MAGT1: variants seen among roughly 807,000 people sequenced by gnomAD.
MAGT1 encodes the protein magnesium transporter 1, also known as dolichyl-diphosphooligosaccharide--protein glycosyltransferase subunit MAGT1.
A neutral mutation model predicts 28.4 loss-of-function variants in MAGT1; 4 were observed. That is an observed-to-expected ratio of 0.14 (90% confidence interval 0.07 to 0.32). The LOEUF (loss-of-function observed/expected upper bound fraction) is 0.32, where lower values mean the gene tolerates loss of function less well. Among genes scored for constraint, MAGT1 ranks in the 10% least tolerant of loss-of-function variants. The pLI is 1.00. For missense variants in MAGT1, 193 were observed against 264.5 expected (o/e 0.73, Z 1.88); for synonymous variants, 89 against 89.7 (o/e 0.99, Z 0.04).
In MAGT1 at chrX:77,893,821, A is replaced by G. The variant is rs782144935; in HGVS notation, c.102+1488T>C. ...TGGAGGTGGAGGTGAGAGGATCACT[A>G]GAGCCCAGGAAGTCGAGGCTGCAGT... On this transcript the variant is annotated intron_variant, in intron 1 of 9. Coordinates refer to ENST00000618282, the MANE Select transcript of MAGT1 (RefSeq NM_001367916.1). 7.3e-5 allele frequency among the ~76,000 whole-genome samples: 8 copies of G among 110,202 alleles called. No individual in the cohort carries two copies. In the East Asian group the frequency reaches 1.7e-3, roughly 24 times the overall value.
chrX:77,875,013 C>T (rs782471627), intron 2 of MAGT1, among the ~76,000 whole-genome samples: 68 of 109,366 alleles, frequency 6.2e-4, no homozygotes, highest in Non-Finnish European at 1.2e-3. Flanking sequence ...CACCACAATG[C>T]CTAGCTAATT....
chrX:77,841,393 A>C, intron 7 of MAGT1, 73 bp from the exon 8 acceptor site: 1 of 741,616 alleles, frequency 1.3e-6, no homozygotes. Flanking sequence ...CCAGTTTCTC[A>C]TGAAGAAAAT....
At chrX:77,832,344 GGAA>G (rs782011895) in intron 8 of MAGT1, among the ~76,000 whole-genome samples, 1 of 110,428 alleles carries the variant, frequency 9.1e-6, no homozygotes, top group Non-Finnish European at 1.9e-5. Context: ...GGGCCGTACT[GGAA>G]GAAGAGCTGT....
rs956922572 is a variant in MAGT1, at chrX:77,836,097, C to T, written c.901+5149G>A. Among the ~76,000 whole-genome samples the T allele has an allele frequency of 1.2e-4, 13 of 111,173 alleles. No individual in the cohort carries two copies. The East Asian group carries it at 2.8e-3, about 24-fold the overall frequency. ...GGGATTACAGGAGTGAGCCACCATGCCCAGCCTTGGAAGTCATTAAGTGAA... is the reference window on the plus strand; with the variant it reads ...GGGATTACAGGAGTGAGCCACCATGTCCAGCCTTGGAAGTCATTAAGTGAA... On this transcript the variant is annotated intron_variant, in intron 8 of 9. Transcript: ENST00000618282.
At chrX:77,832,822 C>CGAAA (rs2076902684) in intron 8 of MAGT1, among the ~76,000 whole-genome samples, 1 of 32,351 alleles carries the variant, frequency 3.1e-5, no homozygotes, top group Non-Finnish European at 4.8e-5. Context: ...GCCTCTGTCT[C>CGAAA]AAAAAAAAAA....
At chrX:77,860,221 T>C (rs2076991379) in intron 3 of MAGT1, among the ~76,000 whole-genome samples, 1 of 111,101 alleles carries the variant, frequency 9.0e-6, no homozygotes, top group Admixed American at 9.6e-5. Flanking sequence ...GTAGCTGGGA[T>C]AACAGGGATG....
intron 1 of MAGT1, chrX:77,885,707 C>G (rs184272918): frequency 4.5e-5 from 5 of 110,398 alleles, no homozygotes; most frequent in African/African-American, 1.6e-4. Flanking sequence ...TCTTGTTGGG[C>G]GCAGTAGCTC....
At chrX:77,851,952 G>A (rs916076716) in intron 7 of MAGT1, among the ~76,000 whole-genome samples, 118 of 109,746 alleles carry the variant, frequency 1.1e-3, no homozygotes, top group African/African-American at 3.9e-3. Context: ...ACGCTGGAGA[G>A]TAATCACACG....
At chrX:77,868,318 G>C (rs1009804598) in intron 3 of MAGT1, 1 of 60,377 alleles carries the variant, frequency 1.7e-5, no homozygotes, top group Middle Eastern at 8.5e-3. Context: ...TTATATGCAA[G>C]GGGAAAGAAC....
chrX:77,835,331 A>T (rs1557213816), intron 8 of MAGT1, among the ~76,000 whole-genome samples: 1 of 111,720 alleles, frequency 9.0e-6, no homozygotes, highest in African/African-American at 3.2e-5. Context: ...ACTACTCAAC[A>T]TCAATGATCA....
At position 77,830,802 on chromosome X, in the gene MAGT1, T is replaced by C. The variant is rs2149008230; in HGVS notation, c.992+3A>G. ...CTGTATAAACAAAAAATAAGAATCA[T>C]ACCTGTATGGGTAGCCATGATATTT... On this transcript the variant is annotated splice_donor_region_variant and intron_variant, in intron 9 of 9. Coordinates refer to ENST00000618282, the MANE Select transcript of MAGT1 (RefSeq NM_001367916.1). 9.2e-7 allele frequency: 1 copy of C among 1,086,797 alleles called. No homozygotes were observed. The highest frequency in any genetic ancestry group is 2.1e-5 in the South Asian group (1 of 48,424). The allele number at this position is 1,086,797 out of a possible 1,213,427, so 89.6% of individuals were successfully genotyped here.
intron 1 of MAGT1, among the ~76,000 whole-genome samples, chrX:77,878,446 C>G (rs1472219887): frequency 2.6e-4 from 24 of 91,556 alleles, no homozygotes; most frequent in Middle Eastern, 6.1e-3. Flanking sequence ...GCATTCCAGC[C>G]TGGGTGACAG....
intron 3 of MAGT1, 87 bp from the exon 4 acceptor site, chrX:77,857,584 A>G: frequency 6.5e-6 from 7 of 1,079,753 alleles, no homozygotes; most frequent in Non-Finnish European, 9.0e-6. Context: ...GCATTTTACA[A>G]AGATGAGGAG....
chrX:77,843,032 C>T (rs782576828), intron 7 of MAGT1, among the ~76,000 whole-genome samples: 21 of 111,535 alleles, frequency 1.9e-4, no homozygotes, highest in Non-Finnish European at 3.6e-4. Context: ...ATTCACCCTG[C>T]AGTTTAGTGA....
intron 3 of MAGT1, among the ~76,000 whole-genome samples, chrX:77,858,640 CTTTGGCTGTATAA>C (rs2076987337): frequency 8.9e-6 from 1 of 111,811 alleles, no homozygotes; most frequent in Non-Finnish European, 1.9e-5. Flanking sequence ...ATTTTGGTCT[CTTTGGCTGTATAA>C]TGTGGTAAAT....
At chrX:77,865,600 A>G (rs1471519374) in intron 3 of MAGT1, among the ~76,000 whole-genome samples, 1 of 110,889 alleles carries the variant, frequency 9.0e-6, no homozygotes, top group Non-Finnish European at 1.9e-5. Flanking sequence ...GGCTGTAACT[A>G]TATTCTAAGG....
intron 3 of MAGT1, among the ~76,000 whole-genome samples, chrX:77,858,514 C>T (rs1267361733): frequency 4.5e-5 from 5 of 111,697 alleles, no homozygotes. Flanking sequence ...TTTAAAACCT[C>T]AGCCAATAAA....
At chrX:77,866,236 G>T (rs1375553013) in intron 3 of MAGT1, among the ~76,000 whole-genome samples, 3 of 65,928 alleles carry the variant, frequency 4.6e-5, no homozygotes, top group African/African-American at 1.1e-4. Context: ...TAGGACTAAG[G>T]AATTCTGGCT....
chrX:77,870,406 A>C (rs1162872654), intron 3 of MAGT1, among the ~76,000 whole-genome samples: 4 of 111,100 alleles, frequency 3.6e-5, no homozygotes, highest in African/African-American at 1.3e-4. Context: ...TATTGAAATA[A>C]AAATAAAAAT....
Sources: allele counts gnomAD v4.1 joint callset (sites outside exome capture counted in the v4.1 genomes callset), GRCh38; gene constraint gnomAD v4.1.1; transcripts MANE v1.5; gene names NCBI Gene and HGNC (gene_info 2026-07-23, HGNC 2026-07-21).